Variants in EXTL3 observed in about 807,000 individuals in gnomAD.
The protein encoded by EXTL3 is exostosin-like 3.
A neutral mutation model predicts 69.3 loss-of-function variants in EXTL3; 27 were observed. The ratio of observed to expected loss-of-function variants is 0.39; its 90% CI spans 0.29 to 0.54. EXTL3 has a LOEUF of 0.54. Ranked by LOEUF, EXTL3 falls within the 20% of genes least tolerant of loss-of-function variation. The pLI is 0.69. For synonymous variants in EXTL3, 511 were observed against 499.4 expected, an observed-to-expected ratio of 1.02 and a Z score of -0.31; for missense variants, 1,003 against 1,231.8, an observed-to-expected ratio of 0.81 and a Z score of 2.78.
intron 1 of EXTL3, among the ~76,000 whole-genome samples, chr8:28,640,789 A>T (rs188941354): frequency 2.0e-5 from 3 of 152,060 alleles, no homozygotes; most frequent in African/African-American, 7.2e-5. Flanking sequence ...TTTTGTGGAG[A>T]TGGGGTCTCA....
chr8:28,738,255 G>GTA (rs1366997600), intron 5 of EXTL3, among the ~76,000 whole-genome samples: 1 of 152,010 alleles, frequency 6.6e-6, no homozygotes, highest in Admixed American at 6.6e-5. Flanking sequence ...CTTCCATCCT[G>GTA]TAAAGTGGCC....
chr8:28,745,922 G>C (rs1490198521), intron 6 of EXTL3, among the ~76,000 whole-genome samples: 1 of 152,186 alleles, frequency 6.6e-6, no homozygotes, highest in African/African-American at 2.4e-5. Context: ...AATATATGAA[G>C]AATTCAAGAT....
intron 2 of EXTL3, among the ~76,000 whole-genome samples, chr8:28,612,741 C>G (rs1410184327): frequency 6.6e-6 from 1 of 151,492 alleles, no homozygotes; most frequent in Non-Finnish European, 1.5e-5. Flanking sequence ...TTTTTTTAGA[C>G]AGTGTCTTGC....
chr8:28,715,331 C>G (rs530623231), intron 2 of EXTL3, among the ~76,000 whole-genome samples: 3 of 152,146 alleles, frequency 2.0e-5, no homozygotes, highest in Non-Finnish European at 4.4e-5. Context: ...CGCTCTAGAT[C>G]CAGTTAAATA....
chr8:28,671,340 C>A (rs1213003455), intron 1 of EXTL3, among the ~76,000 whole-genome samples: 1 of 129,626 alleles, frequency 7.7e-6, no homozygotes, highest in Admixed American at 8.4e-5. Flanking sequence ...GAGACCGACT[C>A]TCTCTCTGTT....
intron 1 of EXTL3, chr8:28,710,613 C>CTT (rs11446791): frequency 0.015 from 3,946 of 271,514 alleles, 17 homozygotes; most frequent in Non-Finnish European, 0.018. Flanking sequence ...TTCTTTCTTT[C>CTT]TTTTTTTTTT....
chr8:28,640,017 T>C (rs1806718255), intron 1 of EXTL3, among the ~76,000 whole-genome samples: 1 of 152,130 alleles, frequency 6.6e-6, no homozygotes, highest in South Asian at 2.1e-4. Context: ...CGAGAATCAC[T>C]TGAACCTGGG....
At position 28,754,740 on chromosome 8, in the gene EXTL3, G is replaced by A. The variant is rs1000601369; in HGVS notation, c.*3874G>A. 8 of 147,696 alleles carry A rather than the reference G, an allele frequency of 5.4e-5. No individual in the cohort carries two copies. Among genetic ancestry groups the A allele is most frequent in the Admixed American group, 3.3e-4 (5 of 14,988 alleles). The allele number at this position is 147,696 out of a possible 1,614,324, so 9.1% of individuals were successfully genotyped here. A position where few individuals can be genotyped will look rare whatever the true frequency, so the allele number is the denominator to read the frequency against. The stretch of plus-strand genomic sequence containing the variant: ...TGTTGATGGGATCATCACTGAAGTG[G>A]AAGGCTCCACAAGGTTTACAAAATG... On this transcript the variant is annotated 3_prime_UTR_variant, in exon 7 of 7. Transcript: ENST00000220562.
intron 1 of EXTL3, among the ~76,000 whole-genome samples, chr8:28,685,197 A>T (rs545002674): frequency 3.3e-5 from 5 of 151,844 alleles, no homozygotes; most frequent in Admixed American, 6.6e-5. Flanking sequence ...TGATCCACCC[A>T]CCTCGGCCTC....
In EXTL3 at chr8:28,732,282, G is replaced by A. The variant is rs1801553218; in HGVS notation, c.2276+932G>A. On this transcript the variant is annotated intron_variant, in intron 4 of 6. Coordinates refer to ENST00000220562, the MANE Select transcript of EXTL3 (RefSeq NM_001440.4). The stretch of plus-strand genomic sequence containing the variant: ...CAGTTTGTTACCTGTTAATGGTGAG[G>A]TAAGTACAAAAATTGAGGGTAAGCA... Among the ~76,000 whole-genome samples, 7 of 152,254 alleles carry A rather than the reference G, an allele frequency of 4.6e-5. No individual in the cohort carries two copies. The South Asian group carries it at 1.5e-3, about 32-fold the overall frequency.
At chr8:28,691,721 A>C (rs571831117) in intron 1 of EXTL3, among the ~76,000 whole-genome samples, 17 of 151,896 alleles carry the variant, frequency 1.1e-4, no homozygotes, top group Non-Finnish European at 2.1e-4. Context: ...AACATGGAGA[A>C]GCCCCATCTC....
intron 1 of EXTL3, among the ~76,000 whole-genome samples, chr8:28,671,346 C>G (rs1004872427): frequency 7.7e-6 from 1 of 129,756 alleles, no homozygotes; most frequent in African/African-American, 3.0e-5. Context: ...GACTCTCTCT[C>G]TGTTGCCTAG....
intron 1 of EXTL3, among the ~76,000 whole-genome samples, chr8:28,695,108 T>C (rs546733332): frequency 1.3e-5 from 2 of 151,638 alleles, no homozygotes; most frequent in Non-Finnish European, 2.9e-5. Flanking sequence ...AACGTATTCA[T>C]GTTAGTTTAA....
intron 1 of EXTL3, among the ~76,000 whole-genome samples, chr8:28,690,135 G>C (rs1585252831): frequency 1.3e-5 from 2 of 152,280 alleles, no homozygotes; most frequent in East Asian, 3.9e-4. Flanking sequence ...CTTGATGGTT[G>C]AAAGTACAAA....
intron 5 of EXTL3, 148 bp from the exon 6 acceptor site, chr8:28,742,938 G>T (rs771863047): frequency 4.9e-6 from 4 of 817,892 alleles, no homozygotes; most frequent in Non-Finnish European, 8.5e-6. Flanking sequence ...AGGATGTCTC[G>T]AATCCCCTGC....
At chr8:28,746,860 G>C (rs565747578) in intron 6 of EXTL3, among the ~76,000 whole-genome samples, 12 of 152,282 alleles carry the variant, frequency 7.9e-5, no homozygotes, top group African/African-American at 9.6e-5. Context: ...ATTTTTAGTA[G>C]AGAAGGGGTT....
intron 1 of EXTL3, among the ~76,000 whole-genome samples, chr8:28,689,855 A>G (rs1285737272): frequency 6.6e-6 from 1 of 152,232 alleles, no homozygotes; most frequent in Non-Finnish European, 1.5e-5. Flanking sequence ...CTAGAGATGG[A>G]TTATTCAGTT....
intron 1 of EXTL3, among the ~76,000 whole-genome samples, chr8:28,632,520 T>C (rs2130564911): frequency 6.6e-6 from 1 of 152,080 alleles, no homozygotes; most frequent in South Asian, 2.1e-4. Context: ...GCAGGCCCTC[T>C]GCTAAGTGTT....
At chr8:28,647,216 TC>T (rs1020330392) in intron 1 of EXTL3, among the ~76,000 whole-genome samples, 5 of 151,922 alleles carry the variant, frequency 3.3e-5, no homozygotes, top group African/African-American at 1.2e-4. Flanking sequence ...GCCATTGTCC[TC>T]CCTCATCCTC....
Sources: gnomAD v4.1 joint callset for allele counts (sites outside exome capture counted in the v4.1 genomes callset) on GRCh38, gnomAD v4.1.1 for gene constraint, MANE v1.5 for transcripts, NCBI Gene and HGNC (gene_info 2026-07-23, HGNC 2026-07-21) for gene names.